The following ADGRL3 variants were observed in gnomAD, a reference collection of about 807,000 sequenced individuals.
ADGRL3 encodes calcium-independent alpha-latrotoxin receptor 3.
Under a neutral mutation model 153.5 loss-of-function variants are expected in ADGRL3, and 62 were observed. The ratio of observed to expected loss-of-function variants is 0.40; its 90% CI spans 0.33 to 0.50. The LOEUF (loss-of-function observed/expected upper bound fraction) is 0.50. Ranked by LOEUF, ADGRL3 falls within the 20% of genes least tolerant of loss-of-function variation. The probability of loss-of-function intolerance (pLI) is 0.47; values close to 1 mark genes in which losing one functional copy is unlikely to be tolerated. For missense variants in ADGRL3, 1,641 were observed against 1,859.4 expected (o/e 0.88, Z 2.16); for synonymous variants, 710 against 672.5 (o/e 1.06, Z -0.86).
intron 1 of ADGRL3, among the ~76,000 whole-genome samples, chr4:61,328,749 G>C (rs1166938408): frequency 1.3e-5 from 2 of 152,112 alleles, no homozygotes. Flanking sequence ...TATTAGGGAT[G>C]TTAGATGATA....
intron 5 of ADGRL3, among the ~76,000 whole-genome samples, chr4:61,604,463 G>A (rs966428557): frequency 6.6e-6 from 1 of 152,120 alleles, no homozygotes; most frequent in Non-Finnish European, 1.5e-5. Context: ...ATGAAACAAC[G>A]AATGAATCGC....
intron 21 of ADGRL3, among the ~76,000 whole-genome samples, chr4:62,025,529 C>T (rs1254809452): frequency 1.3e-5 from 2 of 152,126 alleles, no homozygotes; most frequent in Non-Finnish European, 2.9e-5. Flanking sequence ...AGTCCTTTAT[C>T]TCAGGTTACT....
chr4:62,007,472 A>G (rs28380148), intron 21 of ADGRL3, among the ~76,000 whole-genome samples: 29,884 of 130,556 alleles, frequency 0.23, 3,927 homozygotes, highest in South Asian at 0.42. Context: ...ATGTGTGTGT[A>G]TATATATATA....
intron 4 of ADGRL3, among the ~76,000 whole-genome samples, chr4:61,572,153 G>A (rs982438706): frequency 2.0e-5 from 3 of 151,970 alleles, no homozygotes; most frequent in African/African-American, 7.3e-5. Flanking sequence ...GGCAATACTT[G>A]CTGTAATAGA....
intron 1 of ADGRL3, among the ~76,000 whole-genome samples, chr4:61,270,140 A>T (rs1337451362): frequency 6.6e-6 from 1 of 151,702 alleles, no homozygotes; most frequent in Non-Finnish European, 1.5e-5. Context: ...ATACATAATG[A>T]TTTAAACCTG....
At chr4:61,528,622 C>A (rs1394849703) in intron 4 of ADGRL3, among the ~76,000 whole-genome samples, 3 of 152,026 alleles carry the variant, frequency 2.0e-5, no homozygotes, top group Non-Finnish European at 4.4e-5. Flanking sequence ...GGCTAAGAGA[C>A]CAAGGTGCCA....
intron 6 of ADGRL3, among the ~76,000 whole-genome samples, chr4:61,692,391 T>G (rs2095555457): frequency 6.6e-6 from 1 of 151,912 alleles, no homozygotes; most frequent in Non-Finnish European, 1.5e-5. Context: ...CTTAATTCTG[T>G]CTGCCTTCTA....
chr4:61,708,095 T>C (rs2095886471), intron 6 of ADGRL3, among the ~76,000 whole-genome samples: 2 of 152,168 alleles, frequency 1.3e-5, no homozygotes, highest in Non-Finnish European at 2.9e-5. Flanking sequence ...TGCTGCTTTA[T>C]TGGATTATTT....
chr4:61,986,177 C>G (rs765169852), intron 19 of ADGRL3, among the ~76,000 whole-genome samples: 1 of 151,966 alleles, frequency 6.6e-6, no homozygotes, highest in Non-Finnish European at 1.5e-5. Flanking sequence ...GATCATGGGA[C>G]TTTACATTTT....
intron 6 of ADGRL3, among the ~76,000 whole-genome samples, chr4:61,720,711 T>C (rs2096227516): frequency 6.6e-6 from 1 of 152,198 alleles, no homozygotes; most frequent in East Asian, 1.9e-4. Context: ...ATTTAACTTA[T>C]CTGTAGCATA....
chr4:61,992,715 A>G (rs2099107745), intron 19 of ADGRL3, among the ~76,000 whole-genome samples: 1 of 152,240 alleles, frequency 6.6e-6, no homozygotes, highest in Non-Finnish European at 1.5e-5. Flanking sequence ...AAATAGATAT[A>G]AAATTTTTTC....
At chr4:62,053,577 G>T (rs1376658631) in intron 25 of ADGRL3, among the ~76,000 whole-genome samples, 1 of 151,466 alleles carries the variant, frequency 6.6e-6, no homozygotes, top group Non-Finnish European at 1.5e-5. Context: ...AGGATATATA[G>T]ATAGAAGGAA....
intron 1 of ADGRL3, among the ~76,000 whole-genome samples, chr4:61,320,447 C>T (rs983709348): frequency 6.6e-6 from 1 of 152,072 alleles, no homozygotes; most frequent in Non-Finnish European, 1.5e-5. Flanking sequence ...GTGGAGCTCC[C>T]AAGTGCAAAA....
At chr4:61,478,144 A>G (rs1319970673) in intron 2 of ADGRL3, among the ~76,000 whole-genome samples, 1 of 152,080 alleles carries the variant, frequency 6.6e-6, no homozygotes, top group Non-Finnish European at 1.5e-5. Flanking sequence ...ATAGCCAATA[A>G]AAAGTTTATA....
chr4:61,561,694 T>G (rs1441271011), intron 4 of ADGRL3, among the ~76,000 whole-genome samples: 1 of 152,270 alleles, frequency 6.6e-6, no homozygotes, highest in East Asian at 1.9e-4. Context: ...GTTGTTCAAT[T>G]TCTACCTCAT....
At chr4:61,877,183 T>C (rs1256695517) in intron 9 of ADGRL3, among the ~76,000 whole-genome samples, 5 of 152,152 alleles carry the variant, frequency 3.3e-5, no homozygotes, top group Non-Finnish European at 7.4e-5. Flanking sequence ...AGATGAAAGA[T>C]AGATGGTAGG....
chr4:61,917,110 C>T (rs1010287233), intron 13 of ADGRL3, among the ~76,000 whole-genome samples: 1 of 151,494 alleles, frequency 6.6e-6, no homozygotes, highest in Non-Finnish European at 1.5e-5. Context: ...AAATGGAGAC[C>T]CAGGGAAGGT....
chr4:61,386,519 T>C (rs180735272), intron 2 of ADGRL3, among the ~76,000 whole-genome samples: 1 of 152,192 alleles, frequency 6.6e-6, no homozygotes, highest in East Asian at 1.9e-4. Context: ...TTCAGCAGGG[T>C]TTATACTCAT....
At chr4:61,546,602 C>T (rs2098714818) in intron 4 of ADGRL3, among the ~76,000 whole-genome samples, 1 of 152,096 alleles carries the variant, frequency 6.6e-6, no homozygotes, top group Admixed American at 6.5e-5. Flanking sequence ...TTCCCAACTT[C>T]ATGTTCAATG....
Sources: gnomAD v4.1 joint callset for allele counts (sites outside exome capture counted in the v4.1 genomes callset) on GRCh38, gnomAD v4.1.1 for gene constraint, MANE v1.5 for transcripts, NCBI Gene and HGNC (gene_info 2026-07-23, HGNC 2026-07-21) for gene names.